Variants in BRAF observed in about 807,000 individuals in gnomAD.
BRAF encodes the protein serine/threonine-protein kinase B-raf.
A neutral mutation model predicts 104.6 loss-of-function variants in BRAF; 16 were observed. The observed-to-expected ratio is 0.15, with a 90% CI of 0.10 to 0.23. The LOEUF (loss-of-function observed/expected upper bound fraction) is 0.23. BRAF is among the 10% of genes least tolerant of loss of function. The pLI, the probability that BRAF is intolerant of heterozygous loss-of-function variation, is 1.00. For synonymous variants in BRAF, 310 were observed against 341.6 expected, an observed-to-expected ratio of 0.91 and a Z score of 1.02; for missense variants, 541 against 937.3, an observed-to-expected ratio of 0.58 and a Z score of 5.52.
chr7:140,897,950 A>G (rs1815150434), intron 1 of BRAF, among the ~76,000 whole-genome samples: 1 of 152,222 alleles, frequency 6.6e-6, no homozygotes, highest in Non-Finnish European at 1.5e-5. Context: ...CTGTAATCCC[A>G]GCACTTTGGG....
At chr7:140,893,992 G>A (rs1288850184) in intron 1 of BRAF, among the ~76,000 whole-genome samples, 1 of 152,124 alleles carries the variant, frequency 6.6e-6, no homozygotes, top group Non-Finnish European at 1.5e-5. Context: ...AAATTAGCCA[G>A]GTGTGGTAGC....
chr7:140,782,991 C>G (rs1801023495), intron 11 of BRAF, 30 bp downstream of exon 10: 1 of 1,610,776 alleles, frequency 6.2e-7, no homozygotes, highest in East Asian at 2.2e-5. Flanking sequence ...AGAAAGAATT[C>G]AGAGAAAAAA....
At chr7:140,884,063 CA>C (rs2129106728) in intron 1 of BRAF, 1 of 152,204 alleles carries the variant, frequency 6.6e-6, no homozygotes, top group East Asian at 1.9e-4. Flanking sequence ...ACTTTGATAA[CA>C]AAATTTGGTG....
At position 140,762,565 on chromosome 7, in the gene BRAF, C is replaced by CA. The variant is rs933306759; in HGVS notation, c.1815-8333dup. ...AGAGCAGAACTGAAGGAAATAGAGA[C>CA]AAAAAAACCCTTCAAAAAATTAATG... On this transcript the variant is annotated intron_variant, in intron 14 of 19. Transcript: ENST00000644969. 8.7e-5 allele frequency among the ~76,000 whole-genome samples: 10 copies of CA among 114,490 alleles called. No homozygotes were observed. The East Asian group carries it at 1.3e-3, about 15-fold the overall frequency. The allele number at this position is 114,490 out of a possible 152,430, so 75.1% of individuals were successfully genotyped here.
chr7:140,844,246 A>T (rs947415176), intron 2 of BRAF, among the ~76,000 whole-genome samples: 5 of 150,898 alleles, frequency 3.3e-5, no homozygotes, highest in East Asian at 1.9e-4. Flanking sequence ...AAAGAAAATT[A>T]AAAAAAAATA....
intron 2 of BRAF, among the ~76,000 whole-genome samples, chr7:140,837,079 T>C (rs1284301930): frequency 6.6e-6 from 1 of 152,166 alleles, no homozygotes; most frequent in Admixed American, 6.5e-5. Flanking sequence ...GTACAAAACA[T>C]CTACTTATTC....
Position 140,720,037 on chromosome 7 carries a change from A to C in BRAF, c.*6457T>G. Reference sequence around the variant, plus strand: ...TGTCCTCAAACCAAGGAATACATGAAAAGGGGGGATTTCCTTTTTCTTGGT... The same window carrying C: ...TGTCCTCAAACCAAGGAATACATGACAAGGGGGGATTTCCTTTTTCTTGGT... On this transcript the variant is annotated 3_prime_UTR_variant, in exon 20 of 20. Coordinates refer to ENST00000644969, the MANE Select transcript of BRAF (RefSeq NM_001374258.1). 7.5e-6 allele frequency: 8 copies of C among 1,061,688 alleles called. No individual in the cohort carries two copies. The highest frequency in any genetic ancestry group is 9.1e-6 in the Non-Finnish European group (8 of 877,012). The allele number at this position is 1,061,688 out of a possible 1,614,324, so 65.8% of individuals were successfully genotyped here.
intron 14 of BRAF, among the ~76,000 whole-genome samples, chr7:140,772,547 C>T (rs1302061882): frequency 4.6e-5 from 7 of 152,032 alleles, no homozygotes; most frequent in Admixed American, 3.3e-4. Context: ...TCACTTGAGG[C>T]AGAGGTTGCA....
chr7:140,721,466 T>A lies in BRAF; in HGVS notation c.*5028A>T. The A allele has an allele frequency of 7.9e-7, 1 of 1,264,694 alleles. No individual in the cohort carries two copies. Among genetic ancestry groups the A allele is most frequent in the Non-Finnish European group, 9.9e-7 (1 of 1,005,632 alleles). 78.3% of individuals were successfully genotyped at this position (1,264,694 alleles called of 1,614,324 possible). Reference sequence around the variant, plus strand: ...GTCTTTGCCCAAACAAAAGTGAAAATAGGTTATTTGAAAACAACAAAACAG... The same window carrying A: ...GTCTTTGCCCAAACAAAAGTGAAAAAAGGTTATTTGAAAACAACAAAACAG... On this transcript the variant is annotated 3_prime_UTR_variant, in exon 20 of 20. Coordinates refer to ENST00000644969, the MANE Select transcript of BRAF (RefSeq NM_001374258.1).
intron 14 of BRAF, among the ~76,000 whole-genome samples, chr7:140,759,287 C>T (rs1016990122): frequency 1.3e-5 from 2 of 152,166 alleles, no homozygotes; most frequent in African/African-American, 2.4e-5. Flanking sequence ...CAACCTGATC[C>T]CTAAAATGGC....
intron 1 of BRAF, among the ~76,000 whole-genome samples, chr7:140,894,234 C>G (rs913608953): frequency 1.3e-5 from 2 of 151,914 alleles, no homozygotes; most frequent in African/African-American, 4.8e-5. Context: ...ACGGTGGAAA[C>G]AGAAAGAAAT....
At chr7:140,760,469 C>A (rs1420821711) in intron 14 of BRAF, among the ~76,000 whole-genome samples, 2 of 150,230 alleles carry the variant, frequency 1.3e-5, no homozygotes, top group Admixed American at 6.6e-5. Context: ...GGGGCAAAAG[C>A]CTGGTTTGAG....
chr7:140,720,090 G>A lies in BRAF; in HGVS notation c.*6404C>T. 9.4e-7 allele frequency: 1 copy of A among 1,060,344 alleles called. No homozygotes were observed. The highest frequency in any genetic ancestry group is 1.1e-6 in the Non-Finnish European group (1 of 876,224). 65.7% of individuals were successfully genotyped at this position (1,060,344 alleles called of 1,614,324 possible). A position where few individuals can be genotyped will look rare whatever the true frequency, so the allele number is the denominator to read the frequency against. ...AAACCAAAGAGCAATGACAACTACT[G>A]AATAAAATTCAGAGACACATGTTGA... On this transcript the variant is annotated 3_prime_UTR_variant, in exon 20 of 20. Transcript: ENST00000644969.
intron 1 of BRAF, among the ~76,000 whole-genome samples, chr7:140,858,157 G>A (rs993515563): frequency 6.6e-5 from 10 of 152,094 alleles, no homozygotes; most frequent in Admixed American, 2.6e-4. Context: ...AAAGTATTTC[G>A]CCACAGATTA....
intron 1 of BRAF, among the ~76,000 whole-genome samples, chr7:140,903,138 C>T (rs2129131056): frequency 6.6e-6 from 1 of 151,966 alleles, no homozygotes; most frequent in East Asian, 1.9e-4. Context: ...GTTGGCCAGG[C>T]TGGTCTTGAA....
intron 1 of BRAF, among the ~76,000 whole-genome samples, chr7:140,868,983 G>A (rs1811269365): frequency 6.6e-6 from 1 of 152,140 alleles, no homozygotes; most frequent in Non-Finnish European, 1.5e-5. Context: ...TGTGAGGTAT[G>A]ATAAAAGGGA....
intron 1 of BRAF, among the ~76,000 whole-genome samples, chr7:140,882,700 G>T (rs910485427): frequency 6.7e-6 from 1 of 148,700 alleles, no homozygotes; most frequent in South Asian, 2.4e-4. Context: ...CTTAAAAAAG[G>T]ACCTATCTTT....
chr7:140,775,285 G>A (rs1360874884), intron 14 of BRAF, among the ~76,000 whole-genome samples: 1 of 152,036 alleles, frequency 6.6e-6, no homozygotes, highest in African/African-American at 2.4e-5. Context: ...AAGAGAATAA[G>A]CCTTTGTTTC....
At chr7:140,821,991 G>C (rs575291618) in intron 3 of BRAF, among the ~76,000 whole-genome samples, 1 of 152,170 alleles carries the variant, frequency 6.6e-6, no homozygotes, top group African/African-American at 2.4e-5. Context: ...TGGACATAAA[G>C]ACAGCAATAA....
Sources: gnomAD v4.1 joint callset for allele counts (sites outside exome capture counted in the v4.1 genomes callset) on GRCh38, gnomAD v4.1.1 for gene constraint, MANE v1.5 for transcripts, NCBI Gene and HGNC (gene_info 2026-07-23, HGNC 2026-07-21) for gene names.